The following AFG1L variants were observed in gnomAD, a reference collection of about 807,000 sequenced individuals.
AFG1L encodes AFG1 like ATPase, also known as AFG1-like ATPase.
In AFG1L, 53 loss-of-function variants were observed where a neutral mutation model predicts 62.2. The ratio of observed to expected loss-of-function variants is 0.85; its 90% CI spans 0.68 to 1.07. The LOEUF (loss-of-function observed/expected upper bound fraction) is 1.07, where lower values mean the gene tolerates loss of function less well. Among genes scored for constraint, AFG1L ranks in the 50% least tolerant of loss-of-function variants. AFG1L has a pLI of 0.00. For synonymous variants in AFG1L, 228 were observed against 210.3 expected (o/e 1.08, Z -0.73); for missense variants, 555 against 590.5 (o/e 0.94, Z 0.62).
At chr6:108,445,696 A>G (rs947193307) in intron 7 of AFG1L, among the ~76,000 whole-genome samples, 1 of 148,840 alleles carries the variant, frequency 6.7e-6, no homozygotes, top group Non-Finnish European at 1.5e-5. Flanking sequence ...GCCAGTTGGT[A>G]TAGCAGTCAG....
At chr6:108,499,576 C>CAAA (rs1229508414) in intron 10 of AFG1L, among the ~76,000 whole-genome samples, 4 of 59,270 alleles carry the variant, frequency 6.7e-5, no homozygotes, top group African/African-American at 1.3e-4. Flanking sequence ...TCATCTCTAC[C>CAAA]AAAAAAAAAA....
intron 2 of AFG1L, among the ~76,000 whole-genome samples, chr6:108,343,440 T>A (rs1381749174): frequency 1.3e-5 from 2 of 152,314 alleles, no homozygotes; most frequent in Admixed American, 1.3e-4. Context: ...CTTCATTTAT[T>A]CAGCCTATCT....
chr6:108,322,712 T>A lies in AFG1L; in HGVS notation c.140-1113T>A, dbSNP rs545756484. Among the ~76,000 whole-genome samples, 6 of 152,360 alleles carry A rather than the reference T, an allele frequency of 3.9e-5. No homozygotes were observed. In the South Asian group the frequency reaches 1.2e-3, roughly 32 times the overall value. Reference sequence around the variant, plus strand: ...ATTCTTTTTGCTAAAGTAATTTTTATGTTATTGTGACAAAGGAAACATGAT... The same window carrying A: ...ATTCTTTTTGCTAAAGTAATTTTTAAGTTATTGTGACAAAGGAAACATGAT... On this transcript the variant is annotated intron_variant, in intron 1 of 12. Transcript: ENST00000368977.
chr6:108,305,215 A>G (rs867119601), intron 1 of AFG1L, among the ~76,000 whole-genome samples: 1 of 152,206 alleles, frequency 6.6e-6, no homozygotes, highest in African/African-American at 2.4e-5. Flanking sequence ...TATATTAACA[A>G]TGGCCAAGGG....
intron 6 of AFG1L, among the ~76,000 whole-genome samples, chr6:108,388,355 G>GT (rs1401055364): frequency 6.6e-6 from 1 of 151,736 alleles, no homozygotes; most frequent in African/African-American, 2.4e-5. Flanking sequence ...TTTTTGAAGG[G>GT]TTTTTTGTGT....
chr6:108,492,551 A>G (rs1427686846), intron 10 of AFG1L, among the ~76,000 whole-genome samples: 1 of 152,230 alleles, frequency 6.6e-6, no homozygotes, highest in Non-Finnish European at 1.5e-5. Context: ...GGACAATCAG[A>G]TATCACAGCA....
intron 7 of AFG1L, among the ~76,000 whole-genome samples, chr6:108,426,550 C>T (rs1258240710): frequency 6.6e-6 from 1 of 152,028 alleles, no homozygotes; most frequent in Non-Finnish European, 1.5e-5. Context: ...CTCTGATTTT[C>T]TTGGATAAGG....
At chr6:108,366,099 CTCTTT>C (rs1779745301) in intron 5 of AFG1L, 129 bp from the exon 6 acceptor site, 4 of 563,386 alleles carry the variant, frequency 7.1e-6, no homozygotes, top group East Asian at 2.9e-5. Flanking sequence ...TAATTATCTA[CTCTTT>C]TCTTCATGAT....
chr6:108,331,577 A>G (rs1402105443), intron 2 of AFG1L, among the ~76,000 whole-genome samples: 1 of 152,226 alleles, frequency 6.6e-6, no homozygotes, highest in African/African-American at 2.4e-5. Context: ...ACTATGAAGA[A>G]TGAACATTTA....
At chr6:108,472,962 C>T (rs889033524) in intron 8 of AFG1L, among the ~76,000 whole-genome samples, 10 of 151,974 alleles carry the variant, frequency 6.6e-5, no homozygotes, top group East Asian at 5.8e-4. Context: ...ACCACCATGC[C>T]GGCTAATTTT....
intron 2 of AFG1L, among the ~76,000 whole-genome samples, chr6:108,339,457 AATTTT>A (rs1253239710): frequency 1.4e-5 from 2 of 142,962 alleles, no homozygotes; most frequent in African/African-American, 5.7e-5. Context: ...AAATTCTTTA[AATTTT>A]TTTTTTTTTT....
chr6:108,490,242 C>T (rs192412083), intron 10 of AFG1L, among the ~76,000 whole-genome samples: 1 of 152,262 alleles, frequency 6.6e-6, no homozygotes, highest in Non-Finnish European at 1.5e-5. Context: ...GCCTTTTAGT[C>T]ACAGCTACTC....
At chr6:108,499,641 A>G (rs1774108618) in intron 10 of AFG1L, among the ~76,000 whole-genome samples, 1 of 150,718 alleles carries the variant, frequency 6.6e-6, no homozygotes. Flanking sequence ...AGTTCTAGCT[A>G]CTCAGGAGCT....
At chr6:108,436,068 A>T (rs1474176304) in intron 7 of AFG1L, among the ~76,000 whole-genome samples, 1 of 152,108 alleles carries the variant, frequency 6.6e-6, no homozygotes. Flanking sequence ...TAGAAAAATG[A>T]CCCATTTTGT....
chr6:108,315,798 A>C lies in AFG1L; in HGVS notation c.140-8027A>C, dbSNP rs116512842. Reference sequence around the variant, plus strand: ...TGTGGTAGCTCATGCCTGTAATTCCAGATCTTTGGGAGGCCAAGGCTGAAG... The same window carrying C: ...TGTGGTAGCTCATGCCTGTAATTCCCGATCTTTGGGAGGCCAAGGCTGAAG... On this transcript the variant is annotated intron_variant, in intron 1 of 12. Transcript: ENST00000368977. Among the ~76,000 whole-genome samples, 1,361 of 152,290 alleles carry C rather than the reference A, an allele frequency of 8.9e-3. 16 individuals are homozygous for C. The highest frequency in any genetic ancestry group is 0.03 in the African/African-American group (1,253 of 41,550).
chr6:108,479,206 G>T (rs951583758), intron 10 of AFG1L, among the ~76,000 whole-genome samples: 2 of 152,068 alleles, frequency 1.3e-5, no homozygotes, highest in Non-Finnish European at 2.9e-5. Context: ...TGTCCAGGCT[G>T]TTCTCAAATT....
intron 2 of AFG1L, among the ~76,000 whole-genome samples, chr6:108,331,894 T>C (rs1562479779): frequency 6.6e-6 from 1 of 152,152 alleles, no homozygotes; most frequent in Non-Finnish European, 1.5e-5. Context: ...GACCTGAGAA[T>C]TGGGAGCCAC....
intron 6 of AFG1L, among the ~76,000 whole-genome samples, chr6:108,381,510 T>G (rs1780519291): frequency 6.6e-6 from 1 of 152,082 alleles, no homozygotes; most frequent in Admixed American, 6.6e-5. Context: ...AAGGCTACAG[T>G]GAGCTACAGT....
chr6:108,298,869 A>G (rs1776871181), intron 1 of AFG1L, among the ~76,000 whole-genome samples: 1 of 152,214 alleles, frequency 6.6e-6, no homozygotes, highest in Non-Finnish European at 1.5e-5. Flanking sequence ...GCTGAAGTAG[A>G]TAGAGTGTTA....
Sources: allele counts gnomAD v4.1 joint callset (sites outside exome capture counted in the v4.1 genomes callset), GRCh38; gene constraint gnomAD v4.1.1; transcripts MANE v1.5; gene names NCBI Gene and HGNC (gene_info 2026-07-23, HGNC 2026-07-21).